Variants in USP15 observed in about 807,000 individuals in gnomAD.
USP15 encodes ubiquitin specific peptidase 15, also known as ubiquitin carboxyl-terminal hydrolase 15.
In USP15, 18 loss-of-function variants were observed where a neutral mutation model predicts 127.1. The observed-to-expected ratio is 0.14, with a 90% CI of 0.10 to 0.21. The LOEUF (loss-of-function observed/expected upper bound fraction) is 0.21. USP15 is among the 10% of genes least tolerant of loss of function. The probability of loss-of-function intolerance (pLI) is 1.00; values close to 1 mark genes in which losing one functional copy is unlikely to be tolerated. For synonymous variants in USP15, 364 were observed against 393.7 expected (o/e 0.92, Z 0.89); for missense variants, 805 against 1,159.9 (o/e 0.69, Z 4.44).
chr12:62,368,289 A>G (rs2066545921), intron 8 of USP15, among the ~76,000 whole-genome samples: 1 of 152,100 alleles, frequency 6.6e-6, no homozygotes, highest in South Asian at 2.1e-4. Context: ...TGTTTTGTTG[A>G]TTTGGGGTGG....
At chr12:62,308,401 A>G (rs778860501) in intron 3 of USP15, among the ~76,000 whole-genome samples, 1 of 152,086 alleles carries the variant, frequency 6.6e-6, no homozygotes, top group African/African-American at 2.4e-5. Context: ...CAGTTGGTCT[A>G]TGCAGTCAGT....
chr12:62,391,966 T>TA, intron 17 of USP15, 80 bp downstream of exon 17: 1 of 1,326,924 alleles, frequency 7.5e-7, no homozygotes, highest in Non-Finnish European at 1.0e-6. Context: ...ACTGTTGTGT[T>TA]ACACTCTTTG....
chr12:62,279,081 G>T (rs1373611813), intron 1 of USP15: 1 of 151,902 alleles, frequency 6.6e-6, no homozygotes, highest in South Asian at 2.1e-4. Flanking sequence ...TTAACTATAG[G>T]CACAATATTG....
rs914379336 is a variant in USP15 at position 62,415,635 on chromosome 12, G to C, written c.*11260G>C. 1 of 152,140 alleles carries C rather than the reference G, an allele frequency of 6.6e-6. No homozygotes were observed. Among genetic ancestry groups the C allele is most frequent in the African/African-American group, 2.4e-5 (1 of 41,426 alleles). 9.4% of individuals were successfully genotyped at this position (152,140 alleles called of 1,614,324 possible). On this transcript the variant is annotated 3_prime_UTR_variant, in exon 22 of 22. Coordinates refer to ENST00000280377, the MANE Select transcript of USP15 (RefSeq NM_001252078.2). ...CCGAATGTCCATCTAGGAAGGCTTG[G>C]GGTGAGCAACCTGATTAGAAGGGAA...
At chr12:62,366,928 G>C (rs565107480) in intron 8 of USP15, among the ~76,000 whole-genome samples, 1 of 152,282 alleles carries the variant, frequency 6.6e-6, no homozygotes, top group South Asian at 2.1e-4. Flanking sequence ...TAAGCTTTTT[G>C]ATGTGGTGCT....
intron 8 of USP15, among the ~76,000 whole-genome samples, chr12:62,358,245 C>G (rs1565883936): frequency 6.6e-6 from 1 of 151,996 alleles, no homozygotes; most frequent in Non-Finnish European, 1.5e-5. Flanking sequence ...ATAGTGAAAT[C>G]TTTTGACCAC....
At chr12:62,329,073 CTT>C in intron 6 of USP15, among the ~76,000 whole-genome samples, 1 of 152,250 alleles carries the variant, frequency 6.6e-6, no homozygotes, top group Non-Finnish European at 1.5e-5. Flanking sequence ...AATGAATTCA[CTT>C]ATATTTAGTG....
At chr12:62,324,361 T>C (rs904311916) in intron 5 of USP15, among the ~76,000 whole-genome samples, 1 of 151,996 alleles carries the variant, frequency 6.6e-6, no homozygotes, top group African/African-American at 2.4e-5. Flanking sequence ...TGAAATCTTC[T>C]ATAGCTAAAA....
intron 6 of USP15, among the ~76,000 whole-genome samples, chr12:62,337,236 A>C (rs980995475): frequency 1.3e-5 from 2 of 152,146 alleles, no homozygotes; most frequent in African/African-American, 4.8e-5. Flanking sequence ...GCCTTCCTTC[A>C]TTCATTTTTC....
At chr12:62,271,552 T>G (rs1050533241) in intron 1 of USP15, among the ~76,000 whole-genome samples, 1 of 151,942 alleles carries the variant, frequency 6.6e-6, no homozygotes, top group Non-Finnish European at 1.5e-5. Flanking sequence ...TTTTTCTTAG[T>G]TTTTTCTGTT....
chr12:62,365,751 A>G (rs971330168), intron 8 of USP15, among the ~76,000 whole-genome samples: 13 of 152,260 alleles, frequency 8.5e-5, no homozygotes, highest in African/African-American at 3.1e-4. Context: ...GAAGGGGTCC[A>G]GTTTCTGTTT....
intron 2 of USP15, among the ~76,000 whole-genome samples, chr12:62,298,992 A>G (rs533757065): frequency 6.6e-5 from 10 of 152,240 alleles, no homozygotes; most frequent in Middle Eastern, 3.4e-3. Flanking sequence ...CCTTGTACCC[A>G]TTAAGAATCA....
chr12:62,290,015 T>C (rs12427016), intron 1 of USP15, among the ~76,000 whole-genome samples: 1,570 of 152,276 alleles, frequency 0.01, 102 homozygotes, highest in Admixed American at 0.093. Flanking sequence ...TCTTTAAGAC[T>C]TGTTTTGTGG....
At chr12:62,324,559 G>A (rs1378295871) in intron 5 of USP15, among the ~76,000 whole-genome samples, 2 of 151,868 alleles carry the variant, frequency 1.3e-5, no homozygotes, top group African/African-American at 2.4e-5. Context: ...AACTATATCA[G>A]AATGAAAATC....
intron 1 of USP15, among the ~76,000 whole-genome samples, chr12:62,289,697 T>TGTGTG (rs2063898374): frequency 7.4e-6 from 1 of 135,430 alleles, no homozygotes; most frequent in Non-Finnish European, 1.6e-5. Flanking sequence ...GGTTGTTAAT[T>TGTGTG]TGTGTGTGTG....
At chr12:62,373,773 C>G (rs902556069) in intron 8 of USP15, among the ~76,000 whole-genome samples, 1 of 151,814 alleles carries the variant, frequency 6.6e-6, no homozygotes, top group African/African-American at 2.4e-5. Context: ...ATTGCTGTCA[C>G]AAAATATGTG....
intron 16 of USP15, 47 bp downstream of exon 16, chr12:62,391,476 G>GT: frequency 6.4e-7 from 1 of 1,564,050 alleles, no homozygotes. Context: ...AGCCGAGCAT[G>GT]TTATTTTTTT....
At chr12:62,287,861 G>T (rs73135271) in intron 1 of USP15, among the ~76,000 whole-genome samples, 11,751 of 152,058 alleles carry the variant, frequency 0.077, 581 homozygotes, top group Middle Eastern at 0.16. Flanking sequence ...CTTTCCCAGC[G>T]AATGTTTTTG....
At chr12:62,386,609 G>C (rs1011261025) in intron 11 of USP15, among the ~76,000 whole-genome samples, 2 of 151,986 alleles carry the variant, frequency 1.3e-5, no homozygotes, top group Admixed American at 6.6e-5. Context: ...CATGTACAAA[G>C]AACTTATGGG....
Sources: allele counts gnomAD v4.1 joint callset (sites outside exome capture counted in the v4.1 genomes callset), GRCh38; gene constraint gnomAD v4.1.1; transcripts MANE v1.5; gene names NCBI Gene and HGNC (gene_info 2026-07-23, HGNC 2026-07-21).